The following PHACTR1 variants were observed in gnomAD, a reference collection of about 807,000 sequenced individuals.
The protein encoded by PHACTR1 is RPEL repeat containing 1.
PHACTR1 carries 16 observed loss-of-function variants against 69.2 expected under a neutral mutation model. The observed-to-expected ratio is 0.23, with a 90% confidence interval of 0.16 to 0.35. The LOEUF is 0.35. Among genes scored for constraint, PHACTR1 ranks in the 10% least tolerant of loss-of-function variants. The pLI is 1.00. For synonymous variants in PHACTR1, 312 were observed against 284.5 expected (o/e 1.10, Z -0.97); for missense variants, 510 against 734.7 (o/e 0.69, Z 3.54).
At chr6:13,119,547 G>A (rs1335788730) in intron 5 of PHACTR1, among the ~76,000 whole-genome samples, 1 of 152,156 alleles carries the variant, frequency 6.6e-6, no homozygotes, top group African/African-American at 2.4e-5. Context: ...CAGAATAGAT[G>A]CTGGGGGAAG....
intron 5 of PHACTR1, among the ~76,000 whole-genome samples, chr6:13,073,940 T>A (rs1334508800): frequency 6.6e-6 from 1 of 151,612 alleles, no homozygotes; most frequent in Non-Finnish European, 1.5e-5. Flanking sequence ...TGGTGCAATC[T>A]CGGCTCACTG....
chr6:12,824,287 G>A lies in PHACTR1; in HGVS notation c.250+74497G>A, dbSNP rs562876083. ...CTTGTTTCAAGAAAGCAAGCTCAGC[G>A]CCCTCACTGATTCTGCATTATGATG... On this transcript the variant is annotated intron_variant, in intron 4 of 14. Coordinates refer to ENST00000332995, the MANE Select transcript of PHACTR1 (RefSeq NM_030948.6). Among the ~76,000 whole-genome samples the A allele has an allele frequency of 1.4e-4, 22 of 152,246 alleles. No homozygotes were observed. The East Asian group carries it at 1.5e-3, about 11-fold the overall frequency.
intron 4 of PHACTR1, among the ~76,000 whole-genome samples, chr6:12,980,381 G>A (rs964174328): frequency 2.0e-5 from 3 of 152,110 alleles, no homozygotes; most frequent in Admixed American, 6.5e-5. Flanking sequence ...TTATCTCCCC[G>A]CGTCACCCTT....
chr6:12,970,909 G>A (rs1402369360), intron 4 of PHACTR1, among the ~76,000 whole-genome samples: 2 of 152,220 alleles, frequency 1.3e-5, no homozygotes, highest in Admixed American at 6.5e-5. Context: ...ATTTTATGCC[G>A]TGGGTAGCTC....
intron 3 of PHACTR1, among the ~76,000 whole-genome samples, chr6:12,728,693 G>C (rs1763109903): frequency 6.6e-6 from 1 of 152,126 alleles, no homozygotes. Context: ...ACTGTGGTAT[G>C]ATATATAATT....
chr6:12,751,251 G>A (rs1021473606), intron 4 of PHACTR1, among the ~76,000 whole-genome samples: 1 of 152,204 alleles, frequency 6.6e-6, no homozygotes, highest in Non-Finnish European at 1.5e-5. Context: ...CTTCTTAAAT[G>A]TTTGCCTCTG....
intron 4 of PHACTR1, among the ~76,000 whole-genome samples, chr6:12,965,628 C>T (rs1221365739): frequency 1.3e-5 from 2 of 152,128 alleles, no homozygotes; most frequent in African/African-American, 2.4e-5. Context: ...TGCTGTTGGC[C>T]GTGTGGCTTC....
chr6:12,727,757 T>A (rs953717633), intron 3 of PHACTR1, among the ~76,000 whole-genome samples: 1 of 152,178 alleles, frequency 6.6e-6, no homozygotes, highest in Non-Finnish European at 1.5e-5. Context: ...CCACCCTTTG[T>A]GCCTGTGCTA....
Position 13,287,263 on chromosome 6 carries a change from C to G in PHACTR1, c.*185C>G, listed in dbSNP as rs190878673. 1 of 657,936 alleles carries G rather than the reference C, an allele frequency of 1.5e-6. No homozygotes were observed. The highest frequency in any genetic ancestry group is 2.5e-6 in the Non-Finnish European group (1 of 397,132). 40.8% of individuals were successfully genotyped at this position (657,936 alleles called of 1,614,324 possible). A position where few individuals can be genotyped will look rare whatever the true frequency, so the allele number is the denominator to read the frequency against. On this transcript the variant is annotated 3_prime_UTR_variant, in exon 15 of 15. Transcript: ENST00000332995. Reference sequence around the variant, plus strand: ...GTGTGAAAACGCAAAAGTGATGGCTCGGCGGTCCGAGCTGCTGGTCCCACT... The same window carrying G: ...GTGTGAAAACGCAAAAGTGATGGCTGGGCGGTCCGAGCTGCTGGTCCCACT...
At chr6:13,132,036 T>C (rs1457737518) in intron 5 of PHACTR1, among the ~76,000 whole-genome samples, 1 of 152,078 alleles carries the variant, frequency 6.6e-6, no homozygotes, top group Non-Finnish European at 1.5e-5. Flanking sequence ...TTTGAAGAAA[T>C]TCAAATAGTC....
chr6:13,109,784 C>G (rs1816732334), intron 5 of PHACTR1, among the ~76,000 whole-genome samples: 1 of 151,348 alleles, frequency 6.6e-6, no homozygotes, highest in African/African-American at 2.4e-5. Context: ...TATGTGATGA[C>G]CATTCATATT....
At chr6:13,186,337 C>T (rs1477644408) in intron 7 of PHACTR1, among the ~76,000 whole-genome samples, 1 of 152,190 alleles carries the variant, frequency 6.6e-6, no homozygotes, top group Non-Finnish European at 1.5e-5. Context: ...ATATTGTAAA[C>T]TGATTTTCGT....
intron 7 of PHACTR1, among the ~76,000 whole-genome samples, chr6:13,191,534 T>TG (rs1763600453): frequency 2.0e-5 from 3 of 152,180 alleles, no homozygotes; most frequent in Admixed American, 2.0e-4. Context: ...GTTTGCATGG[T>TG]GTCAGCAGGC....
intron 7 of PHACTR1, among the ~76,000 whole-genome samples, chr6:13,190,355 A>G (rs1763404567): frequency 6.6e-6 from 1 of 151,754 alleles, no homozygotes; most frequent in Admixed American, 6.6e-5. Context: ...TCTTATAAGG[A>G]CATTAATCTT....
rs192534459 is a variant in PHACTR1, at chr6:12,878,736, G to A, written c.250+128946G>A. On this transcript the variant is annotated intron_variant, in intron 4 of 14. Transcript: ENST00000332995. ...ACTGAAAAGTGAATATTTCACTTCTGAAATATTTAGAGCACCAGTGAGCAG... is the reference window on the plus strand; with the variant it reads ...ACTGAAAAGTGAATATTTCACTTCTAAAATATTTAGAGCACCAGTGAGCAG... 6.6e-5 allele frequency among the ~76,000 whole-genome samples: 10 copies of A among 152,316 alleles called. No individual in the cohort carries two copies. The East Asian group carries it at 1.7e-3, about 26-fold the overall frequency.
At chr6:12,810,375 G>A (rs1467473127) in intron 4 of PHACTR1, among the ~76,000 whole-genome samples, 4 of 152,090 alleles carry the variant, frequency 2.6e-5, no homozygotes, top group Non-Finnish European at 4.4e-5. Context: ...AATTTACACT[G>A]CTCTTCCATC....
chr6:12,767,540 C>G (rs1225112696), intron 4 of PHACTR1, among the ~76,000 whole-genome samples: 1 of 152,178 alleles, frequency 6.6e-6, no homozygotes, highest in Non-Finnish European at 1.5e-5. Flanking sequence ...ACCTGACTTG[C>G]TGCAAGGAGA....
chr6:12,835,172 C>T (rs1165024053), intron 4 of PHACTR1, among the ~76,000 whole-genome samples: 1 of 151,992 alleles, frequency 6.6e-6, no homozygotes, highest in East Asian at 1.9e-4. Flanking sequence ...TGAGTGTGGA[C>T]AAACCTGGAG....
chr6:12,820,681 C>A (rs917603109), intron 4 of PHACTR1, among the ~76,000 whole-genome samples: 1 of 152,098 alleles, frequency 6.6e-6, no homozygotes, highest in African/African-American at 2.4e-5. Context: ...ACAGGTTCTA[C>A]TTTGGGAAGA....
Sources: gnomAD v4.1 joint callset for allele counts (sites outside exome capture counted in the v4.1 genomes callset) on GRCh38, gnomAD v4.1.1 for gene constraint, MANE v1.5 for transcripts, NCBI Gene and HGNC (gene_info 2026-07-23, HGNC 2026-07-21) for gene names.